The following GTPBP1 variants were observed in gnomAD, a reference collection of about 807,000 sequenced individuals.
The protein encoded by GTPBP1 is GTP-binding protein 1.
A neutral mutation model predicts 62.0 loss-of-function variants in GTPBP1; 23 were observed. That is an observed-to-expected ratio of 0.37 (90% CI 0.27 to 0.53). The LOEUF (loss-of-function observed/expected upper bound fraction) is 0.53. Among genes scored for constraint, GTPBP1 ranks in the 20% least tolerant of loss-of-function variants. GTPBP1 has a pLI of 0.89. For missense variants in GTPBP1, 640 were observed against 917.3 expected (o/e 0.70, Z 3.90); for synonymous variants, 344 against 364.4 (o/e 0.94, Z 0.64).
downstream of GTPBP1, chr22:38,733,610 G>GT (rs2145900264): frequency 6.6e-6 from 1 of 152,494 alleles, no homozygotes; most frequent in Non-Finnish European, 1.5e-5. Context: ...ACCCTTCTGT[G>GT]TGTGCAGCAG....
intron 6 of GTPBP1, among the ~76,000 whole-genome samples, chr22:38,724,836 C>G (rs2092718943): frequency 6.6e-6 from 1 of 152,134 alleles, no homozygotes. Context: ...TACTGTTGTT[C>G]CTCAAAAGCT....
At chr22:38,711,818 CTAAAGAAAAACAAT>C (rs1055529603) in intron 2 of GTPBP1, among the ~76,000 whole-genome samples, 1 of 151,538 alleles carries the variant, frequency 6.6e-6, no homozygotes, top group Non-Finnish European at 1.5e-5. Context: ...GACTCTATCT[CTAAAGAAAAACAAT>C]TAAAAAAAAA....
chr22:38,730,200 C>T lies in GTPBP1; in HGVS notation c.1918-412C>T, dbSNP rs1470290745. Among the ~76,000 whole-genome samples the T allele has an allele frequency of 1.3e-5, 2 of 152,222 alleles. No homozygotes were observed. Among genetic ancestry groups the T allele is most frequent in the Non-Finnish European group, 2.9e-5 (2 of 68,040 alleles). On this transcript the variant is annotated intron_variant, in intron 11 of 11. Transcript: ENST00000216044. This position sits in a 1 kb window ranked among gnomAD's most constrained non-coding sequence, Gnocchi z 5.6. ...TGAAGGCCTGGTGCCCCTTGCACCC[C>T]TCTCCCCAGCATCTTTCTCCATTGT...
chr22:38,722,628 A>G (rs1467529419), intron 5 of GTPBP1: 6 of 1,356,328 alleles, frequency 4.4e-6, no homozygotes, highest in Non-Finnish European at 6.0e-6. Flanking sequence ...ATTTATGAGT[A>G]CAAGCATAAT....
In GTPBP1 at chr22:38,729,345, C is replaced by G. The variant is rs1172692866; in HGVS notation, c.1717-117C>G. 6.9e-6 allele frequency: 5 copies of G among 721,856 alleles called. No individual in the cohort carries two copies. In the East Asian group the frequency reaches 1.5e-4, roughly 22 times the overall value. 44.7% of individuals were successfully genotyped at this position (721,856 alleles called of 1,614,324 possible). A position where few individuals can be genotyped will look rare whatever the true frequency, so the allele number is the denominator to read the frequency against. ...TTCCTGCCATCTGCCTTGCCCTGAA[C>G]TGGCAAGATCAAGGAATGAGGAGTC... is the stretch of plus-strand genomic sequence containing the variant. On this transcript the variant is annotated intron_variant, in intron 10 of 11. Coordinates refer to ENST00000216044, the MANE Select transcript of GTPBP1 (RefSeq NM_004286.5).
At chr22:38,706,288 A>G in intron 1 of GTPBP1, 141 bp downstream of exon 1, 1 of 485,074 alleles carries the variant, frequency 2.1e-6, no homozygotes, top group East Asian at 3.9e-5. Flanking sequence ...CCCACCTGCT[A>G]GTCTCCGGGA....
At chr22:38,736,709 T>C (rs566485033), downstream of GTPBP1, 1 of 206,398 alleles carries the variant, frequency 4.8e-6, no homozygotes, top group African/African-American at 2.3e-5. Flanking sequence ...TGATTCTTTT[T>C]CTCCAGTGCC....
downstream of GTPBP1, chr22:38,742,432 C>T (rs1232490130): frequency 3.1e-6 from 5 of 1,613,466 alleles, no homozygotes; most frequent in African/African-American, 2.7e-5. Context: ...CCAGGAGCCC[C>T]TTGCCGCAGC....
At chr22:38,740,830 C>T, downstream of GTPBP1, 1 of 675,250 alleles carries the variant, frequency 1.5e-6, no homozygotes, top group East Asian at 2.7e-5. The surrounding 1 kb of genome is among the most constrained non-coding windows in gnomAD (Gnocchi z 4.8). Flanking sequence ...ACCTCCATGG[C>T]ACCTCAAAGA....
At chr22:38,739,186 G>A (rs1453469836), downstream of GTPBP1, 10 of 947,984 alleles carry the variant, frequency 1.1e-5, no homozygotes, top group Admixed American at 1.8e-4. The surrounding 1 kb of genome is among the most constrained non-coding windows in gnomAD (Gnocchi z 6.7). Context: ...TGACTTCCCT[G>A]AATTGCCACT....
In GTPBP1 at chr22:38,733,498, C is replaced by T. The variant is rs2092775003; in HGVS notation, c.*2794C>T. On this transcript the variant is annotated 3_prime_UTR_variant, in exon 12 of 12. Transcript: ENST00000216044. ...GTGTTTAATGGGGGTAACAGGGGTC[C>T]CTACAGCCCTCCCAGCTAAACATTT... 6.6e-6 allele frequency: 1 copy of T among 152,294 alleles called. No homozygotes were observed. 9.4% of individuals were successfully genotyped at this position (152,294 alleles called of 1,614,324 possible).
At chr22:38,738,344 C>A, downstream of GTPBP1, 1 of 1,312,254 alleles carries the variant, frequency 7.6e-7, no homozygotes, top group East Asian at 2.3e-5. The surrounding 1 kb of genome is among the most constrained non-coding windows in gnomAD (Gnocchi z 6.6). Context: ...CTGCTCCTCC[C>A]ACCCAGCAGG....
chr22:38,742,112 C>T (rs185821329), downstream of GTPBP1, among the ~76,000 whole-genome samples: 8 of 151,338 alleles, frequency 5.3e-5, no homozygotes, highest in Admixed American at 5.3e-4. Flanking sequence ...CACTGCACTC[C>T]AGGCTGGGTG....
rs2092673929 is a variant in GTPBP1, at chr22:38,716,848, C to G, written c.682C>G (p.Pro228Ala). ...CAGTGAAGGCAATGTAGTGAACAAG[C>G]CTGACAGCCACGGCGGCAGCCTGGA... ...FDSEGNVVNKPDSHGGSLEWT... is the reference protein window; with the variant it reads ...FDSEGNVVNKADSHGGSLEWT... The change falls in exon 4 of 12, where the codon CCT becomes GCT. Residue 228 changes from proline (P) to alanine (A), a missense_variant. Pro to Ala is a conservative substitution (Grantham distance 27, BLOSUM62 -1). Around this residue, in one of 4 missense-constraint regions of GTPBP1, gnomAD observed 88 missense variants for 217.0 expected, o/e 0.41. Coordinates refer to ENST00000216044, the MANE Select transcript of GTPBP1 (RefSeq NM_004286.5). This position sits in a 1 kb window ranked among gnomAD's most constrained non-coding sequence, Gnocchi z 5.2. 6.2e-7 allele frequency: 1 copy of G among 1,614,050 alleles called. No homozygotes were observed. Among genetic ancestry groups the G allele is most frequent in the African/African-American group, 1.3e-5 (1 of 74,936 alleles).
downstream of GTPBP1, chr22:38,736,218 G>T: frequency 6.5e-7 from 1 of 1,541,646 alleles, no homozygotes; most frequent in African/African-American, 1.4e-5. Context: ...GCGGCGGGGT[G>T]CTGTTCACCC....
chr22:38,706,836 G>GT (rs1206427672), intron 1 of GTPBP1: 6 of 152,250 alleles, frequency 3.9e-5, no homozygotes, highest in Non-Finnish European at 8.8e-5. Flanking sequence ...TTAAAACCGT[G>GT]TTTTTTGAGC....
rs772578049 is a variant in GTPBP1 at position 38,715,951 on chromosome 22, T to G, written c.349T>G (p.Tyr117Asp). ...GLSEADMEAS[Y>D]ATVKSMAEQI... ...GAGTGAAGCTGACATGGAGGCCTCC[T>G]ACGCCACAGTGAAGAGCATGGCGGA... Residue 117 changes from tyrosine (Y) to aspartate (D), a missense_variant, in exon 3 of 12, where the codon TAC (tyrosine) becomes GAC (aspartate). Tyr to Asp is a radical substitution (Grantham distance 160, BLOSUM62 -3). Around this residue, in one of 4 missense-constraint regions of GTPBP1, gnomAD observed 215 missense variants for 235.1 expected, o/e 0.91. Transcript: ENST00000216044. The G allele has an allele frequency of 1.1e-5, 18 of 1,613,882 alleles. No individual in the cohort carries two copies. Among genetic ancestry groups the G allele is most frequent in the Admixed American group, 1.7e-5 (1 of 59,986 alleles).
rs2092673419 is a variant in GTPBP1, at chr22:38,716,732, G to A, written c.566G>A (p.Arg189Gln). ...ACACATGGGGAGCTGGACAATGGCCGAGGCTTTGCCCGCCAGAAACTCTTC... is the reference window on the plus strand; with the variant it reads ...ACACATGGGGAGCTGGACAATGGCCAAGGCTTTGCCCGCCAGAAACTCTTC... ...VLTHGELDNGRGFARQKLFRH... is the reference protein window; with the variant it reads ...VLTHGELDNGQGFARQKLFRH... The change falls in exon 4 of 12, where the codon CGA (arginine) becomes CAA (glutamine). Residue 189 changes from arginine (R) to glutamine (Q), a missense_variant. Transcript: ENST00000216044. This position sits in a 1 kb window ranked among gnomAD's most constrained non-coding sequence, Gnocchi z 5.2. The A allele has an allele frequency of 6.2e-7, 1 of 1,614,026 alleles. No homozygotes were observed.
rs756051209 is a variant in GTPBP1, at chr22:38,716,101, G to A, written c.485+14G>A. On this transcript the variant is annotated intron_variant, in intron 3 of 11. Coordinates refer to ENST00000216044, the MANE Select transcript of GTPBP1 (RefSeq NM_004286.5). This position sits in a 1 kb window ranked among gnomAD's most constrained non-coding sequence, Gnocchi z 5.2. ...CCTGGAGGTCAGGTGAGGAGGCCGC[G>A]GGACATTTTGGGGTCCCCATTCTTC... The A allele has an allele frequency of 6.4e-6, 10 of 1,558,856 alleles. No homozygotes were observed. The highest frequency in any genetic ancestry group is 5.5e-5 in the African/African-American group (4 of 73,262).
Sources: allele counts gnomAD v4.1 joint callset (sites outside exome capture counted in the v4.1 genomes callset), GRCh38; gene constraint gnomAD v4.1.1; regional missense constraint gnomAD v4.1.1; non-coding constraint Gnocchi (gnomAD v3.1); transcripts MANE v1.5; gene names NCBI Gene and HGNC (gene_info 2026-07-23, HGNC 2026-07-21).